HSPG2: variants seen among roughly 807,000 people sequenced by gnomAD.
HSPG2 encodes the protein heparan sulfate proteoglycan 2, also known as basement membrane-specific heparan sulfate proteoglycan core protein.
Under a neutral mutation model 526.6 loss-of-function variants are expected in HSPG2, and 278 were observed. The ratio of observed to expected loss-of-function variants is 0.53; its 90% confidence interval spans 0.48 to 0.58. The LOEUF is 0.58. HSPG2 is among the 20% of genes least tolerant of loss of function. The pLI, the probability that HSPG2 is intolerant of heterozygous loss-of-function variation, is 0.00. For missense variants in HSPG2, 5,354 were observed against 6,099.5 expected, an observed-to-expected ratio of 0.88 and a Z score of 4.07; for synonymous variants, 2,465 against 2,555.4, an observed-to-expected ratio of 0.96 and a Z score of 1.07.
chr1:21,919,868 T>C (rs769093324), intron 1 of HSPG2, among the ~76,000 whole-genome samples: 5 of 152,160 alleles, frequency 3.3e-5, no homozygotes, highest in Non-Finnish European at 7.4e-5. Context: ...CCTTTGTTTC[T>C]TGTGATTTGA....
rs1431820459 is a variant in HSPG2 at position 21,911,335 on chromosome 1, G to A, written c.64-15025C>T. On this transcript the variant is annotated intron_variant, in intron 1 of 96. Transcript: ENST00000374695. ...CAGCTGCTGACAACAGCTGGGGAGAGCTCTGGGCCTGGCCCAAGCAGGGGG... is the reference window on the plus strand; with the variant it reads ...CAGCTGCTGACAACAGCTGGGGAGAACTCTGGGCCTGGCCCAAGCAGGGGG... Among the ~76,000 whole-genome samples the A allele has an allele frequency of 2.0e-5, 3 of 152,312 alleles. No individual in the cohort carries two copies. In the East Asian group the frequency reaches 5.8e-4, roughly 29 times the overall value.
At chr1:21,853,893 G>A (rs974933506) in intron 50 of HSPG2, 4 of 455,256 alleles carry the variant, frequency 8.8e-6, no homozygotes, top group African/African-American at 6.0e-5. Context: ...GTTCAAGGTT[G>A]CTAAGGGGCA....
Position 21,890,499 on chromosome 1 carries a change from C to G in HSPG2, c.355-14G>C, listed in dbSNP as rs372356869. 501 of 1,613,946 alleles carry G rather than the reference C, an allele frequency of 3.1e-4. No homozygotes were observed. The African/African-American group carries it at 6.3e-3, about 20-fold the overall frequency. ...CTCCGACTCCAGCTGGGGAGGGACA[C>G]AGTGCCATCAGCCCCAGAGGCCTTC... On this transcript the variant is annotated splice_polypyrimidine_tract_variant and intron_variant, in intron 4 of 96. Coordinates refer to ENST00000374695, the MANE Select transcript of HSPG2 (RefSeq NM_005529.7). The surrounding 1 kb of genome is among the most constrained non-coding windows in gnomAD (Gnocchi z 4.1).
chr1:21,854,304 C>A lies in HSPG2; in HGVS notation c.6328G>T (p.Ala2110Ser). 6.4e-7 allele frequency: 1 copy of A among 1,572,510 alleles called. No individual in the cohort carries two copies. Among genetic ancestry groups the A allele is most frequent in the Non-Finnish European group, 8.6e-7 (1 of 1,158,534 alleles). The change falls in exon 50 of 97, where the codon GCT (alanine) becomes TCT (serine). Residue 2110 changes from alanine to serine, a missense_variant. Coordinates refer to ENST00000374695, the MANE Select transcript of HSPG2 (RefSeq NM_005529.7). ...CGGCACACATATTCTCCAGAATCAG[C>A]TGGTGAGACCTGGGGGAGCCGCAGA... is the stretch of plus-strand genomic sequence containing the variant. Reference protein sequence around the residue: ...SRLRLPQVSPADSGEYVCRVE... With the variant: ...SRLRLPQVSPSDSGEYVCRVE...
rs1641980226 is a variant in HSPG2, at chr1:21,887,373, C to T, written c.959-39G>A. ...CAGGGGTCAGCAGCATCCTCCCGGG[C>T]CAGCTTCCTGCTCCCCGCACCCACC... On this transcript the variant is annotated intron_variant, in intron 8 of 96. Transcript: ENST00000374695. This position sits in a 1 kb window ranked among gnomAD's most constrained non-coding sequence, Gnocchi z 5.0. The T allele has an allele frequency of 6.2e-7, 1 of 1,613,762 alleles. No individual in the cohort carries two copies. Among genetic ancestry groups the T allele is most frequent in the African/African-American group, 1.3e-5 (1 of 74,916 alleles).
In HSPG2 at chr1:21,841,192, C is replaced by T. The variant is rs747660804; in HGVS notation, c.9422G>A (p.Arg3141His). Reference sequence around the variant, plus strand: ...GATCCGGGTCCAACGAGCAGAGGAGCGGGGCTCCCCGGCACTGACACACTC... The same window carrying T: ...GATCCGGGTCCAACGAGCAGAGGAGTGGGGCTCCCCGGCACTGACACACTC... The part of the protein sequence containing the change: ...TLECVSAGEP[R>H]SSARWTRISS... Residue 3141 changes from arginine to histidine, a missense_variant, in exon 71 of 97, where the codon CGC (arginine) becomes CAC (histidine). Transcript: ENST00000374695. The T allele has an allele frequency of 1.7e-5, 28 of 1,613,714 alleles. No individual in the cohort carries two copies. The highest frequency in any genetic ancestry group is 8.3e-5 in the Admixed American group (5 of 60,006).
In HSPG2 at chr1:21,927,267, G is replaced by A. The variant is rs537687619; in HGVS notation, c.63+9888C>T. ...ACACCTAGGTGTGACCCGCCTGATG[G>A]GGAGGGGGGACACATCTCTACCCAA... is the stretch of plus-strand genomic sequence containing the variant. On this transcript the variant is annotated intron_variant, in intron 1 of 96. Transcript: ENST00000374695. Among the ~76,000 whole-genome samples, 141 of 151,782 alleles carry A rather than the reference G, an allele frequency of 9.3e-4. 1 individual carries two copies. The highest frequency in any genetic ancestry group is 3.4e-3 in the African/African-American group (138 of 41,088).
chr1:21,836,424 T>C (rs1379705708), intron 75 of HSPG2, among the ~76,000 whole-genome samples: 1 of 152,152 alleles, frequency 6.6e-6, no homozygotes, highest in Non-Finnish European at 1.5e-5. Context: ...TGGGTTCAAG[T>C]GATTCTCCTG....
chr1:21,885,216 G>A, intron 10 of HSPG2, 59 bp from the exon 11 acceptor site: 1 of 1,595,124 alleles, frequency 6.3e-7, no homozygotes, highest in Non-Finnish European at 8.6e-7. Flanking sequence ...AGCGGAAGGA[G>A]GGCTCCGAGG....
Position 21,862,022 on chromosome 1 carries a change from G to A in HSPG2, c.4834C>T (p.Pro1612Ser). 3.1e-6 allele frequency: 5 copies of A among 1,614,198 alleles called. No individual in the cohort carries two copies. The highest frequency in any genetic ancestry group is 4.2e-6 in the Non-Finnish European group (5 of 1,180,034). The part of the protein sequence containing the change: ...ATAGTPEDCQ[P>S]CACPLTNPEN... ...GGGTTGGTCAGTGGGCAGGCACAGG[G>A]CTGGCAGTCCTCAGGCGTCCCGGCT... Residue 1612 changes from proline to serine, a missense_variant, in exon 38 of 97, where the codon CCC becomes TCC. Coordinates refer to ENST00000374695, the MANE Select transcript of HSPG2 (RefSeq NM_005529.7).
At chr1:21,878,924 G>T in intron 18 of HSPG2, 70 bp downstream of exon 18, 2 of 1,558,222 alleles carry the variant, frequency 1.3e-6, no homozygotes, top group Non-Finnish European at 1.7e-6. Context: ...CTGCCTCCCT[G>T]CCCAGAATAT....
At chr1:21,875,081 C>A (rs929971206) in intron 25 of HSPG2, 79 bp from the exon 26 acceptor site, 37 of 1,009,538 alleles carry the variant, frequency 3.7e-5, no homozygotes, top group Non-Finnish European at 5.3e-5. Flanking sequence ...CTGGCAGGGT[C>A]TTATTAGTCC....
At position 21,850,105 on chromosome 1, in the gene HSPG2, G is replaced by T. The variant is rs1470794353; in HGVS notation, c.7382C>A (p.Ala2461Asp). The change falls in exon 57 of 97, where the codon GCT becomes GAT. Residue 2461 changes from alanine (A) to aspartate (D), a missense_variant. Coordinates refer to ENST00000374695, the MANE Select transcript of HSPG2 (RefSeq NM_005529.7). ...CGTGACCTGGGCATGGGCCTGACCA[G>T]CAACGAGGCAGTTCAGGTCCAGGGT... ...GQTLDLNCLV[A>D]GQAHAQVTWH... The T allele has an allele frequency of 6.2e-7, 1 of 1,613,448 alleles. No individual in the cohort carries two copies.
chr1:21,846,396 C>T (rs1638438489), intron 63 of HSPG2, 52 bp downstream of exon 63: 3 of 1,612,004 alleles, frequency 1.9e-6, no homozygotes, highest in Non-Finnish European at 2.5e-6. Context: ...GCAAAGCTAG[C>T]CAGGGCCCCC....
chr1:21,846,461 G>A lies in HSPG2; in HGVS notation c.8303C>T (p.Pro2768Leu). Residue 2768 changes from proline to leucine, a missense_variant, in exon 63 of 97, where the codon CCC becomes CTC. Pro to Leu is a moderately conservative substitution (Grantham distance 98). Transcript: ENST00000374695. ...CCAGCTGCATACCTGATGGTGACTG[G>A]GGAGGCTGCCCCCACGCTTGTGCCA... is the stretch of plus-strand genomic sequence containing the variant. ...VTWHKRGGSLPSHHQTRGSRL... is the reference protein window; with the variant it reads ...VTWHKRGGSLLSHHQTRGSRL... 2 of 1,613,574 alleles carry A rather than the reference G, an allele frequency of 1.2e-6. No homozygotes were observed. Among genetic ancestry groups the A allele is most frequent in the Non-Finnish European group, 1.7e-6 (2 of 1,180,026 alleles).
intron 33 of HSPG2, among the ~76,000 whole-genome samples, chr1:21,871,257 T>A (rs1305127551): frequency 2.4e-5 from 2 of 84,020 alleles, no homozygotes; most frequent in Non-Finnish European, 4.9e-5. Flanking sequence ...GCAGAGTATT[T>A]GTTTTTTTTT....
At chr1:21,927,747 T>C (rs952710856) in intron 1 of HSPG2, among the ~76,000 whole-genome samples, 7 of 152,134 alleles carry the variant, frequency 4.6e-5, no homozygotes, top group African/African-American at 1.7e-4. Context: ...GGTGGAAGGA[T>C]GGACTCTGTC....
rs745820640 is a variant in HSPG2, at chr1:21,865,718, G to A, written c.4313C>T (p.Thr1438Met). 26 of 1,611,880 alleles carry A rather than the reference G, an allele frequency of 1.6e-5. No individual in the cohort carries two copies. Among genetic ancestry groups the A allele is most frequent in the African/African-American group, 1.2e-4 (9 of 74,890 alleles). ...CCAGCATGGTGTCCAAATGCTCACC[G>A]TGATCTGCACATCGGGGTCAGAGAG... is the stretch of plus-strand genomic sequence containing the variant. ...SPLSDPDVQI[T>M]GNNIMLVASQ... Residue 1438 changes from threonine to methionine, a missense_variant and splice_region_variant, in exon 34 of 97, where the codon ACG becomes ATG. By Grantham distance (81) the Thr-to-Met change is moderately conservative. Coordinates refer to ENST00000374695, the MANE Select transcript of HSPG2 (RefSeq NM_005529.7). The surrounding 1 kb of genome is among the most constrained non-coding windows in gnomAD (Gnocchi z 5.4).
intron 1 of HSPG2, among the ~76,000 whole-genome samples, chr1:21,900,090 G>A (rs1487555006): frequency 2.0e-5 from 3 of 152,234 alleles, no homozygotes; most frequent in African/African-American, 7.2e-5. Flanking sequence ...GCCCGTCTCC[G>A]GCGGTGAGGG....
Sources: allele counts gnomAD v4.1 joint callset (sites outside exome capture counted in the v4.1 genomes callset), GRCh38; gene constraint gnomAD v4.1.1; non-coding constraint Gnocchi (gnomAD v3.1); transcripts MANE v1.5; gene names NCBI Gene and HGNC (gene_info 2026-07-23, HGNC 2026-07-21).